The following TRO variants were observed in gnomAD, a reference collection of about 807,000 sequenced individuals.
The protein encoded by TRO is MAGE superfamily protein.
Under a neutral mutation model 42.3 loss-of-function variants are expected in TRO, and 29 were observed. The observed-to-expected ratio is 0.68, with a 90% CI of 0.51 to 0.93. The LOEUF (loss-of-function observed/expected upper bound fraction) is 0.93, where lower values mean the gene tolerates loss of function less well. Among genes scored for constraint, TRO ranks in the 40% least tolerant of loss-of-function variants. The pLI is 0.00. For missense variants in TRO, 963 were observed against 1,127.7 expected, an observed-to-expected ratio of 0.85 and a Z score of 2.09; for synonymous variants, 384 against 425.2, an observed-to-expected ratio of 0.90 and a Z score of 1.19.
Position 54,930,153 on chromosome X carries a change from T to C in TRO, c.3429T>C (p.His1143=), listed in dbSNP as rs888398942. 1 of 1,210,380 alleles carries C rather than the reference T, an allele frequency of 8.3e-7. No homozygotes were observed. The highest frequency in any genetic ancestry group is 1.1e-6 in the Non-Finnish European group (1 of 894,897). ...PSTSVSFGGA[H]GTSLCFGGAP... is the part of the protein sequence containing the mutation. The stretch of plus-strand genomic sequence containing the variant: ...CCAGTGTCAGCTTTGGTGGTGCTCA[T>C]GGCACCAGCCTCTGTTTTGGTGGAG... The change falls in exon 12 of 13, where the codon CAT becomes CAC. Residue 1143 remains histidine (H), a synonymous_variant. Transcript: ENST00000173898.
chrX:54,921,625 C>T (rs1042268673), intron 1 of TRO, among the ~76,000 whole-genome samples: 3 of 97,064 alleles, frequency 3.1e-5, no homozygotes, highest in Non-Finnish European at 4.1e-5. Context: ...AGAAATGCTG[C>T]AGAGCGGAGG....
chrX:54,926,030 TG>T (rs751306256), intron 7 of TRO, among the ~76,000 whole-genome samples: 1 of 112,138 alleles, frequency 8.9e-6, no homozygotes, highest in South Asian at 3.8e-4. Context: ...CTGGTGTGGC[TG>T]GATCAGTATG....
chrX:54,931,157 A>G (rs751633457), intron 12 of TRO, 47 bp from the exon 13 acceptor site: 22 of 1,204,743 alleles, frequency 1.8e-5, no homozygotes, highest in Non-Finnish European at 2.5e-5. Context: ...TTATGAGAAG[A>G]CAGTGTATTT....
At position 54,929,155 on chromosome X, in the gene TRO, A is replaced by G; in HGVS notation, c.2431A>G (p.Ile811Val). ...TSTSFSSEAS[I>V]SFGGMPCTSA... ...CACTAGTTTCAGCAGTGAAGCCAGC[A>G]TTAGCTTTGGTGGCATGCCTTGTAC... Residue 811 changes from isoleucine (I) to valine (V), a missense_variant, in exon 12 of 13, where the codon ATT becomes GTT. Ile to Val is a conservative substitution (Grantham distance 29, BLOSUM62 3). This residue lies in a region of TRO where 641 missense variants were observed against 811.3 expected (regional missense o/e 0.79). Transcript: ENST00000173898. 9 of 1,212,523 alleles carry G rather than the reference A, an allele frequency of 7.4e-6. No individual in the cohort carries two copies. The highest frequency in any genetic ancestry group is 1.0e-5 in the Non-Finnish European group (9 of 895,661).
chrX:54,930,710 G>A lies in TRO; in HGVS notation c.3986G>A (p.Arg1329Lys), dbSNP rs754136350. The A allele has an allele frequency of 2.3e-5, 28 of 1,211,343 alleles. No individual in the cohort carries two copies. The South Asian group carries it at 3.3e-4, about 14-fold the overall frequency. Residue 1329 changes from arginine (R) to lysine (K), a missense_variant, in exon 12 of 13, where the codon AGA (arginine) becomes AAA (lysine). Coordinates refer to ENST00000173898, the MANE Select transcript of TRO (RefSeq NM_001039705.3). ...AGTAGGCCTAATGCCAGCTTCGACA[G>A]AGGACTGAGTACCATCATTGGCTTT... is the stretch of plus-strand genomic sequence containing the variant. ...FGSRPNASFD[R>K]GLSTIIGFGS...
intron 11 of TRO, among the ~76,000 whole-genome samples, 179 bp downstream of exon 11, chrX:54,927,960 C>A (rs866238683): frequency 8.9e-6 from 1 of 112,923 alleles, no homozygotes; most frequent in Admixed American, 9.3e-5. Context: ...CTCATTCATT[C>A]TTCATACTTT....
rs1249050091 is a variant in TRO at position 54,925,126 on chromosome X, C to A, written c.1485+58C>A. Reference sequence around the variant, plus strand: ...GGGGAAGCTTTGAATCGAGCAAAGACATACATGTCCCTTTTGGAGAGAATC... The same window carrying A: ...GGGGAAGCTTTGAATCGAGCAAAGAAATACATGTCCCTTTTGGAGAGAATC... On this transcript the variant is annotated intron_variant, in intron 6 of 12. Transcript: ENST00000173898. The A allele has an allele frequency of 1.7e-5, 18 of 1,041,746 alleles. No homozygotes were observed. The East Asian group carries it at 5.2e-4, about 30-fold the overall frequency. 85.9% of individuals were successfully genotyped at this position (1,041,746 alleles called of 1,213,427 possible).
rs1328510456 is a variant in TRO at position 54,923,761 on chromosome X, A to G, written c.1229A>G (p.Asn410Ser). The change falls in exon 3 of 13, where the codon AAC becomes AGC. Residue 410 changes from asparagine to serine, a missense_variant. By Grantham distance (46) the Asn-to-Ser change is conservative. Around this residue, in one of 2 missense-constraint regions of TRO, gnomAD observed 322 missense variants for 316.5 expected, o/e 1.02. Transcript: ENST00000173898. ...ACAACCAGGACCCGGGGCAAAAGAA[A>G]CCGAAAGGTGAGATCTCTGACATTG... ...EPTTRTRGKR[N>S]RKSKHLNGDE... 4.2e-6 allele frequency: 5 copies of G among 1,197,735 alleles called. No individual in the cohort carries two copies. Among genetic ancestry groups the G allele is most frequent in the Admixed American group, 4.6e-5 (2 of 43,776 alleles).
At position 54,923,655 on chromosome X, in the gene TRO, G is replaced by A. The variant is rs374161292; in HGVS notation, c.1123G>A (p.Val375Ile). 3 of 1,209,879 alleles carry A rather than the reference G, an allele frequency of 2.5e-6. No homozygotes were observed. The highest frequency in any genetic ancestry group is 3.4e-6 in the Non-Finnish European group (3 of 894,868). Residue 375 changes from valine (V) to isoleucine (I), a missense_variant, in exon 3 of 13, where the codon GTA becomes ATA. Coordinates refer to ENST00000173898, the MANE Select transcript of TRO (RefSeq NM_001039705.3). ...QAKIASAQTNVSALETQVAAA... is the reference protein window; with the variant it reads ...QAKIASAQTNISALETQVAAA... ...CAAGATAGCCTCTGCTCAGACCAAC[G>A]TAAGTGCCCTTGAGACTCAGGTTGC...
Position 54,926,639 on chromosome X carries a change from C to T in TRO, c.1700+14C>T. On this transcript the variant is annotated intron_variant, in intron 9 of 12. Coordinates refer to ENST00000173898, the MANE Select transcript of TRO (RefSeq NM_001039705.3). The stretch of plus-strand genomic sequence containing the variant: ...GCTGCGCCCTGGGTATGACTGGGCT[C>T]TCTCAGCGCTTGCTGTCCGTGTTGT... 8.3e-7 allele frequency: 1 copy of T among 1,211,219 alleles called. No individual in the cohort carries two copies. The highest frequency in any genetic ancestry group is 1.1e-6 in the Non-Finnish European group (1 of 895,549).
intron 6 of TRO, 40 bp from the exon 7 acceptor site, chrX:54,925,552 T>A: frequency 8.6e-7 from 1 of 1,156,524 alleles, no homozygotes; most frequent in Non-Finnish European, 1.2e-6. Context: ...ATACCTAAGC[T>A]GAATTTTGTG....
rs770239805 is a variant in TRO at position 54,931,275 on chromosome X, T to A, written c.*83T>A. 5.8e-6 allele frequency: 7 copies of A among 1,210,579 alleles called. No individual in the cohort carries two copies. The highest frequency in any genetic ancestry group is 7.8e-6 in the Non-Finnish European group (7 of 895,286). On this transcript the variant is annotated 3_prime_UTR_variant, in exon 13 of 13. Coordinates refer to ENST00000173898, the MANE Select transcript of TRO (RefSeq NM_001039705.3). ...CTTCCCATGGAGCCAAAGTACATCC[T>A]TGGAATCTTTGTCCACACAGCAGTC...
intron 10 of TRO, 148 bp downstream of exon 10, chrX:54,927,253 A>G: frequency 4.4e-6 from 3 of 675,638 alleles, no homozygotes; most frequent in Non-Finnish European, 6.8e-6. Context: ...TAAAATTCCC[A>G]TGGGCAGACC....
intron 6 of TRO, 105 bp downstream of exon 6, chrX:54,925,173 C>T: frequency 1.2e-6 from 1 of 808,464 alleles, no homozygotes; most frequent in Non-Finnish European, 1.8e-6. Flanking sequence ...CTAATCCAGC[C>T]CCATTACTGT....
At position 54,922,969 on chromosome X, in the gene TRO, C is replaced by T; in HGVS notation, c.437C>T (p.Thr146Ile). 2 of 1,212,224 alleles carry T rather than the reference C, an allele frequency of 1.6e-6. No individual in the cohort carries two copies. The highest frequency in any genetic ancestry group is 1.7e-5 in the African/African-American group (1 of 57,905). Residue 146 changes from threonine (T) to isoleucine (I), a missense_variant, in exon 3 of 13, where the codon ACT becomes ATT. Physicochemically the swap from Thr to Ile is moderately conservative, Grantham distance 89. Around this residue, in one of 2 missense-constraint regions of TRO, gnomAD observed 322 missense variants for 316.5 expected, o/e 1.02. Transcript: ENST00000173898. ...AAAGCCAACAAGATGAAGAGAGTTA[C>T]TGCCAAGGCAGCCCAAGGCTCCCAA... ...PKKANKMKRV[T>I]AKAAQGSQSP...
Position 54,930,493 on chromosome X carries a change from A to C in TRO, c.3769A>C (p.Thr1257Pro). 1 of 1,198,704 alleles carries C rather than the reference A, an allele frequency of 8.3e-7. No individual in the cohort carries two copies. The highest frequency in any genetic ancestry group is 3.0e-5 in the East Asian group (1 of 33,261). The change falls in exon 12 of 13, where the codon ACT (threonine) becomes CCT (proline). Residue 1257 changes from threonine to proline, a missense_variant. Coordinates refer to ENST00000173898, the MANE Select transcript of TRO (RefSeq NM_001039705.3). ...AGFGGGPGTS[T>P]GFGGGLGTSA... ...CTTCGGTGGAGGACCAGGCACCAGC[A>C]CTGGTTTTGGTGGTGGACTGGGCAC...
intron 6 of TRO, among the ~76,000 whole-genome samples, 189 bp from the exon 7 acceptor site, chrX:54,925,403 G>A (rs1447203213): frequency 3.6e-5 from 4 of 112,095 alleles, no homozygotes; most frequent in Non-Finnish European, 7.5e-5. Context: ...TGATGTTGAT[G>A]ACAATAGTAC....
At chrX:54,925,793 G>GCTTTTGAGACCCTGTTT in intron 7 of TRO, 110 bp downstream of exon 7, 1 of 645,657 alleles carries the variant, frequency 1.5e-6, no homozygotes, top group Non-Finnish European at 2.4e-6. Flanking sequence ...GAAAAACAGG[G>GCTTTTGAGACCCTGTTT]TCTCAAAAGC....
At chrX:54,927,531 G>T (rs1392719127) in intron 10 of TRO, 136 bp from the exon 11 acceptor site, 1 of 475,630 alleles carries the variant, frequency 2.1e-6, no homozygotes, top group Non-Finnish European at 3.6e-6. Flanking sequence ...TTGGTAGTGA[G>T]TCTGGGGCTG....
Sources: allele counts gnomAD v4.1 joint callset (sites outside exome capture counted in the v4.1 genomes callset), GRCh38; gene constraint gnomAD v4.1.1; regional missense constraint gnomAD v4.1.1; transcripts MANE v1.5; gene names NCBI Gene and HGNC (gene_info 2026-07-23, HGNC 2026-07-21).